TPH2: variants seen among roughly 807,000 people sequenced by gnomAD.
The protein encoded by TPH2 is tryptophan hydroxylase 2.
A neutral mutation model predicts 59.1 loss-of-function variants in TPH2; 27 were observed. The observed-to-expected ratio is 0.46, with a 90% CI of 0.34 to 0.63. TPH2 has a LOEUF of 0.63. Ranked by LOEUF, TPH2 falls within the 30% of genes least tolerant of loss-of-function variation. The probability of loss-of-function intolerance (pLI) is 0.01; values close to 1 mark genes in which losing one functional copy is unlikely to be tolerated. For missense variants in TPH2, 523 were observed against 588.3 expected (o/e 0.89, Z 1.15); for synonymous variants, 220 against 210.5 (o/e 1.05, Z -0.39).
chr12:71,958,306 T>C (rs543892818), intron 5 of TPH2, among the ~76,000 whole-genome samples: 2 of 152,310 alleles, frequency 1.3e-5, no homozygotes, highest in African/African-American at 4.8e-5. Context: ...AGAATCTAAA[T>C]GTCTGCTCAA....
chr12:72,018,642 A>AT (rs1873322991), intron 8 of TPH2, among the ~76,000 whole-genome samples: 1 of 152,040 alleles, frequency 6.6e-6, no homozygotes, highest in African/African-American at 2.4e-5. Flanking sequence ...TTGATAGCAC[A>AT]TTTTTTCCAC....
intron 8 of TPH2, among the ~76,000 whole-genome samples, chr12:72,017,761 C>A (rs1431080854): frequency 6.6e-6 from 1 of 152,028 alleles, no homozygotes; most frequent in African/African-American, 2.4e-5. Flanking sequence ...CTGAGGAAAC[C>A]AAATTATATT....
At chr12:71,977,984 T>C (rs934091748) in intron 6 of TPH2, among the ~76,000 whole-genome samples, 1 of 152,166 alleles carries the variant, frequency 6.6e-6, no homozygotes, top group Non-Finnish European at 1.5e-5. Flanking sequence ...TATGGTTAGA[T>C]ATGTTTAGAG....
intron 4 of TPH2, among the ~76,000 whole-genome samples, chr12:71,946,500 C>A (rs1871200873): frequency 6.6e-6 from 1 of 152,278 alleles, no homozygotes; most frequent in Non-Finnish European, 1.5e-5. Flanking sequence ...CCTTATGATA[C>A]CTTCTCTTAT....
At chr12:71,981,640 G>A (rs1872280376) in intron 7 of TPH2, among the ~76,000 whole-genome samples, 1 of 152,092 alleles carries the variant, frequency 6.6e-6, no homozygotes, top group Admixed American at 6.5e-5. Context: ...GTAGGGCTAA[G>A]GTTTTTGTTT....
At chr12:71,992,431 C>G (rs1473054893) in intron 7 of TPH2, among the ~76,000 whole-genome samples, 3 of 151,428 alleles carry the variant, frequency 2.0e-5, no homozygotes, top group Non-Finnish European at 4.4e-5. Flanking sequence ...CCCCCACCCC[C>G]GCCCCTGACA....
intron 6 of TPH2, among the ~76,000 whole-genome samples, chr12:71,974,915 A>G (rs941814736): frequency 6.6e-6 from 1 of 152,100 alleles, no homozygotes; most frequent in Non-Finnish European, 1.5e-5. Flanking sequence ...AGAAACTATC[A>G]TTGGCTCCCT....
In TPH2 at chr12:72,014,468, G is replaced by A. The variant is rs532557951; in HGVS notation, c.1069-7931G>A. 2.7e-5 allele frequency among the ~76,000 whole-genome samples: 4 copies of A among 146,780 alleles called. No individual in the cohort carries two copies. The East Asian group carries it at 8.0e-4, about 29-fold the overall frequency. Reference sequence around the variant, plus strand: ...TGCAGTGGAGTGATCTCGGCTCACTGCAACCTCCGCCTCCCTGTTTCAAGT... The same window carrying A: ...TGCAGTGGAGTGATCTCGGCTCACTACAACCTCCGCCTCCCTGTTTCAAGT... On this transcript the variant is annotated intron_variant, in intron 8 of 10. Coordinates refer to ENST00000333850, the MANE Select transcript of TPH2 (RefSeq NM_173353.4).
At chr12:72,021,511 T>C (rs1296485334) in intron 8 of TPH2, among the ~76,000 whole-genome samples, 1 of 151,972 alleles carries the variant, frequency 6.6e-6, no homozygotes, top group Non-Finnish European at 1.5e-5. Flanking sequence ...GAAAACACAC[T>C]TCAAATTTGG....
At chr12:71,968,990 G>T (rs1003486404) in intron 5 of TPH2, among the ~76,000 whole-genome samples, 1 of 152,190 alleles carries the variant, frequency 6.6e-6, no homozygotes, top group Non-Finnish European at 1.5e-5. Context: ...CCCATAGAAA[G>T]ATGCATAACG....
chr12:72,010,296 A>G (rs1362593825), intron 8 of TPH2, among the ~76,000 whole-genome samples: 1 of 152,176 alleles, frequency 6.6e-6, no homozygotes, highest in African/African-American at 2.4e-5. Flanking sequence ...GGCAGTGATT[A>G]TTATGAGAGA....
rs1025199495 is a variant in TPH2, at chr12:71,964,699, A to G, written c.609-7820A>G. 9 of 985,200 alleles carry G rather than the reference A, an allele frequency of 9.1e-6. No individual in the cohort carries two copies. The South Asian group carries it at 3.8e-4, about 41-fold the overall frequency. 61.0% of individuals were successfully genotyped at this position (985,200 alleles called of 1,614,324 possible). A position where few individuals can be genotyped will look rare whatever the true frequency, so the allele number is the denominator to read the frequency against. ...TCATCAATTACTGATTGAAATTTCT[A>G]CACACCTGGTGTGACACCTCAGTTG... is the stretch of plus-strand genomic sequence containing the variant. On this transcript the variant is annotated intron_variant, in intron 5 of 10. Transcript: ENST00000333850.
chr12:72,031,465 T>A, intron 10 of TPH2, 56 bp from the exon 11 acceptor site: 1 of 1,612,208 alleles, frequency 6.2e-7, no homozygotes, highest in Non-Finnish European at 8.5e-7. Flanking sequence ...CTTTTATCTA[T>A]CCCTCGTACC....
chr12:71,972,572 G>A lies in TPH2; in HGVS notation c.662G>A (p.Gly221Asp). ...ACTGAAGAAGAAACTAAAACTTGGG[G>A]TGTTGTATTCCGGGAGCTCTCCAAA... The part of the protein sequence containing the change: ...EYTEEETKTW[G>D]VVFRELSKLY... The change falls in exon 6 of 11, where the codon GGT becomes GAT. Residue 221 changes from glycine to aspartate, a missense_variant. Transcript: ENST00000333850. 6.2e-7 allele frequency: 1 copy of A among 1,614,140 alleles called. No homozygotes were observed. Among genetic ancestry groups the A allele is most frequent in the East Asian group, 2.2e-5 (1 of 44,874 alleles).
At chr12:72,027,797 G>T (rs1257211995) in intron 9 of TPH2, among the ~76,000 whole-genome samples, 1 of 152,152 alleles carries the variant, frequency 6.6e-6, no homozygotes, top group Non-Finnish European at 1.5e-5. Context: ...AGTGGGAAAG[G>T]CTGCTATGGT....
intron 5 of TPH2, chr12:71,962,757 C>T: frequency 1.1e-6 from 1 of 910,790 alleles, no homozygotes; most frequent in Non-Finnish European, 1.3e-6. Flanking sequence ...GAGTATCTGT[C>T]ATCCAAGCTG....
In TPH2 at chr12:72,004,743, C is replaced by A. The variant is rs181389690; in HGVS notation, c.1068+10178C>A. The stretch of plus-strand genomic sequence containing the variant: ...AAAAGCAGAAAGAAGATGGTTGGGA[C>A]TTTTTTATGAGCTAGAATAGCAGAG... On this transcript the variant is annotated intron_variant, in intron 8 of 10. Transcript: ENST00000333850. Among the ~76,000 whole-genome samples the A allele has an allele frequency of 1.1e-4, 17 of 152,210 alleles. No homozygotes were observed. The East Asian group carries it at 3.3e-3, about 29-fold the overall frequency.
intron 9 of TPH2, among the ~76,000 whole-genome samples, chr12:72,027,040 C>G (rs1159740266): frequency 6.6e-6 from 1 of 151,008 alleles, no homozygotes; most frequent in Non-Finnish European, 1.5e-5. Flanking sequence ...ATTCACAAAC[C>G]TGACTTCACA....
At chr12:71,954,931 G>T (rs944406520) in intron 5 of TPH2, among the ~76,000 whole-genome samples, 1 of 151,952 alleles carries the variant, frequency 6.6e-6, no homozygotes, top group African/African-American at 2.4e-5. Context: ...ACTCTTGTTT[G>T]CTTAAATTGA....
Sources: allele counts gnomAD v4.1 joint callset (sites outside exome capture counted in the v4.1 genomes callset), GRCh38; gene constraint gnomAD v4.1.1; transcripts MANE v1.5; gene names NCBI Gene and HGNC (gene_info 2026-07-23, HGNC 2026-07-21).